The following PTPRG variants were observed in gnomAD, a reference collection of about 807,000 sequenced individuals.
PTPRG encodes receptor-type tyrosine-protein phosphatase gamma.
Under a neutral mutation model 165.3 loss-of-function variants are expected in PTPRG, and 102 were observed. The observed-to-expected ratio is 0.62, with a 90% CI of 0.53 to 0.73. PTPRG has a LOEUF of 0.73. Ranked by LOEUF, PTPRG falls within the 30% of genes least tolerant of loss-of-function variation. The probability of loss-of-function intolerance (pLI) is 0.00; values close to 1 mark genes in which losing one functional copy is unlikely to be tolerated. For synonymous variants in PTPRG, 675 were observed against 669.5 expected (o/e 1.01, Z -0.13); for missense variants, 1,866 against 1,861.4 (o/e 1.00, Z -0.05).
At chr3:62,041,409 C>T (rs1700123383) in intron 4 of PTPRG, among the ~76,000 whole-genome samples, 1 of 152,054 alleles carries the variant, frequency 6.6e-6, no homozygotes, top group African/African-American at 2.4e-5. Context: ...GAGATGATAC[C>T]ATCCAAGAAT....
chr3:62,269,260 A>C, intron 20 of PTPRG, 91 bp downstream of exon 20: 1 of 1,329,212 alleles, frequency 7.5e-7, no homozygotes, highest in Non-Finnish European at 1.0e-6. Context: ...CTCATAACCA[A>C]CTTGGTTTTT....
intron 1 of PTPRG, among the ~76,000 whole-genome samples, chr3:61,712,459 T>G (rs9844426): frequency 1.3e-5 from 2 of 151,918 alleles, no homozygotes; most frequent in African/African-American, 4.8e-5. Flanking sequence ...ATAATTCCCA[T>G]GTGTCGAAGG....
chr3:61,795,102 T>A (rs943353851), intron 2 of PTPRG, among the ~76,000 whole-genome samples: 3 of 152,158 alleles, frequency 2.0e-5, no homozygotes, highest in Admixed American at 1.3e-4. Context: ...GCCTTATCTG[T>A]TAATCCCTTT....
At chr3:61,834,459 G>T (rs2036400828) in intron 2 of PTPRG, among the ~76,000 whole-genome samples, 1 of 152,142 alleles carries the variant, frequency 6.6e-6, no homozygotes, top group East Asian at 1.9e-4. Context: ...TGCTCAGGAG[G>T]CTGAGGTGGG....
Position 62,273,747 on chromosome 3 carries a change from A to G in PTPRG, c.3368A>G (p.Lys1123Arg), listed in dbSNP as rs765533974. 2 of 1,613,786 alleles carry G rather than the reference A, an allele frequency of 1.2e-6. No individual in the cohort carries two copies. The highest frequency in any genetic ancestry group is 3.3e-4 in the Middle Eastern group (2 of 6,056). ...HDALLEAILG[K>R]ETEVSSNQLH... ...GCCTTGTTGGAAGCCATTCTTGGAA[A>G]GGAGACTGAAGTATCTTCAAATCAG... is the stretch of plus-strand genomic sequence containing the variant. The change falls in exon 23 of 30, where the codon AAG (lysine) becomes AGG (arginine). Residue 1123 changes from lysine to arginine, a missense_variant. This residue lies in a region of PTPRG where 1,452 missense variants were observed against 1,463.0 expected (regional missense o/e 0.99). Transcript: ENST00000474889. The surrounding 1 kb of genome is among the most constrained non-coding windows in gnomAD (Gnocchi z 4.1).
chr3:62,032,960 T>C (rs780326873), intron 4 of PTPRG, among the ~76,000 whole-genome samples: 1 of 152,178 alleles, frequency 6.6e-6, no homozygotes, highest in Non-Finnish European at 1.5e-5. Flanking sequence ...TTGAAATGGT[T>C]GAATGACCGA....
Position 61,644,025 on chromosome 3 carries a change from C to T in PTPRG, c.85+81653C>T, listed in dbSNP as rs529133174. ...TACACAGCCCCTACCCTAACAGAGA[C>T]GATCACAATCACATTTAAATTATAC... is the stretch of plus-strand genomic sequence containing the variant. On this transcript the variant is annotated intron_variant, in intron 1 of 29. Coordinates refer to ENST00000474889, the MANE Select transcript of PTPRG (RefSeq NM_002841.4). Among the ~76,000 whole-genome samples the T allele has an allele frequency of 1.9e-4, 29 of 152,198 alleles. No homozygotes were observed. In the East Asian group the frequency reaches 4.5e-3, roughly 23 times the overall value.
At position 61,688,395 on chromosome 3, in the gene PTPRG, C is replaced by T. The variant is rs150839725; in HGVS notation, c.86-60483C>T. 1.0e-3 allele frequency among the ~76,000 whole-genome samples: 153 copies of T among 152,290 alleles called. No individual in the cohort carries two copies. In the East Asian group the frequency reaches 0.021, roughly 21 times the overall value. On this transcript the variant is annotated intron_variant, in intron 1 of 29. Coordinates refer to ENST00000474889, the MANE Select transcript of PTPRG (RefSeq NM_002841.4). ...TCCCAGCTGGAGTTTTTTGAGGCATCGGAGCTAGAATAAAGCAGGAGCTCA... is the reference window on the plus strand; with the variant it reads ...TCCCAGCTGGAGTTTTTTGAGGCATTGGAGCTAGAATAAAGCAGGAGCTCA...
At chr3:61,744,141 T>G (rs888791304) in intron 1 of PTPRG, among the ~76,000 whole-genome samples, 13 of 152,200 alleles carry the variant, frequency 8.5e-5, no homozygotes, top group Admixed American at 7.9e-4. Context: ...CACTGCTCCT[T>G]GCCAATAAAA....
At chr3:61,675,044 T>A (rs1006109081) in intron 1 of PTPRG, among the ~76,000 whole-genome samples, 3 of 152,232 alleles carry the variant, frequency 2.0e-5, no homozygotes, top group Non-Finnish European at 4.4e-5. Context: ...CAGCCTAGCA[T>A]TACCCTACCA....
chr3:62,089,306 A>T (rs73088823), intron 5 of PTPRG, among the ~76,000 whole-genome samples: 5 of 152,220 alleles, frequency 3.3e-5, no homozygotes, highest in African/African-American at 1.2e-4. Context: ...ATGTGATGGC[A>T]AACTTGGAAG....
chr3:62,278,298 C>T (rs946559614), intron 26 of PTPRG, among the ~76,000 whole-genome samples: 1 of 151,846 alleles, frequency 6.6e-6, no homozygotes, highest in African/African-American at 2.4e-5. Flanking sequence ...TTTCCCACTC[C>T]ATAGGCAAGT....
rs1242136744 is a variant in PTPRG, at chr3:62,070,721, G to A, written c.520-7442G>A. ...ATGCTTAACTCTGTCATCATCCTAC[G>A]CATGTCATCAAAAAAGCAGAACTGG... On this transcript the variant is annotated intron_variant, in intron 4 of 29. Transcript: ENST00000474889. 1.1e-4 allele frequency among the ~76,000 whole-genome samples: 16 copies of A among 152,002 alleles called. 1 individual carries two copies. Among genetic ancestry groups the A allele is most frequent in the Admixed American group, 1.0e-3 (16 of 15,256 alleles).
intron 2 of PTPRG, among the ~76,000 whole-genome samples, chr3:61,760,747 G>A (rs772892054): frequency 2.3e-4 from 35 of 152,210 alleles, no homozygotes; most frequent in South Asian, 6.2e-4. Flanking sequence ...TCTTCCTGAT[G>A]CTCTCCCTCG....
At chr3:62,083,734 T>C (rs1265528957) in intron 5 of PTPRG, among the ~76,000 whole-genome samples, 1 of 152,224 alleles carries the variant, frequency 6.6e-6, no homozygotes, top group African/African-American at 2.4e-5. Context: ...ACCCTCAGAA[T>C]TGGGTTCTGG....
chr3:61,656,513 C>G (rs1383106591), intron 1 of PTPRG, among the ~76,000 whole-genome samples: 1 of 152,182 alleles, frequency 6.6e-6, no homozygotes, highest in Non-Finnish European at 1.5e-5. Context: ...TCTGAGTTAC[C>G]AGTGCCAATT....
rs191947633 is a variant in PTPRG, at chr3:62,103,059, T to C, written c.615+24801T>C. Among the ~76,000 whole-genome samples, 358 of 152,354 alleles carry C rather than the reference T, an allele frequency of 2.3e-3. 1 individual carries two copies. The highest frequency in any genetic ancestry group is 8.4e-3 in the African/African-American group (349 of 41,584). The stretch of plus-strand genomic sequence containing the variant: ...ATGACATCCTGCTTCTCTTCTTTTC[T>C]TCCTGTAAAAGAAGATTTTTGAACC... On this transcript the variant is annotated intron_variant, in intron 5 of 29. Transcript: ENST00000474889.
At position 62,240,031 on chromosome 3, in the gene PTPRG, AC is replaced by A. The variant is rs1025556684; in HGVS notation, c.2376-3770del. On this transcript the variant is annotated intron_variant, in intron 14 of 29. Transcript: ENST00000474889. The surrounding 1 kb of genome is among the most constrained non-coding windows in gnomAD (Gnocchi z 5.1). ...TTCATCAGTCCCTGGCCCAGAGTAG[AC>A]CCCCCAATAGATAGTTATTAAAGGA... Among the ~76,000 whole-genome samples the A allele has an allele frequency of 3.9e-5, 6 of 151,956 alleles. No homozygotes were observed. Among genetic ancestry groups the A allele is most frequent in the African/African-American group, 1.2e-4 (5 of 41,350 alleles).
intron 6 of PTPRG, among the ~76,000 whole-genome samples, chr3:62,153,277 A>G (rs1304399742): frequency 6.6e-6 from 1 of 152,236 alleles, no homozygotes; most frequent in African/African-American, 2.4e-5. Flanking sequence ...ATCTGGGCTT[A>G]CACTGGGCCA....
Sources: allele counts gnomAD v4.1 joint callset (sites outside exome capture counted in the v4.1 genomes callset), GRCh38; gene constraint gnomAD v4.1.1; regional missense constraint gnomAD v4.1.1; non-coding constraint Gnocchi (gnomAD v3.1); transcripts MANE v1.5; gene names NCBI Gene and HGNC (gene_info 2026-07-23, HGNC 2026-07-21).